The following KLRF1 variants were observed in gnomAD, a reference collection of about 807,000 sequenced individuals.
KLRF1 encodes the protein killer cell lectin like receptor F1.
A neutral mutation model predicts 30.7 loss-of-function variants in KLRF1; 27 were observed. The ratio of observed to expected loss-of-function variants is 0.88; its 90% CI spans 0.65 to 1.21. The LOEUF is 1.21. KLRF1 is among the 50% of genes most tolerant of loss of function. The probability of loss-of-function intolerance (pLI) is 0.00; values close to 1 mark genes in which losing one functional copy is unlikely to be tolerated. For missense variants in KLRF1, 246 were observed against 259.3 expected, an observed-to-expected ratio of 0.95 and a Z score of 0.35; for synonymous variants, 92 against 89.3, an observed-to-expected ratio of 1.03 and a Z score of -0.17.
At chr12:9,804,171 T>C in the KLRF1 span, among the ~76,000 whole-genome samples, 1 of 114,052 alleles carries the variant, frequency 8.8e-6, no homozygotes, top group South Asian at 2.3e-4. Flanking sequence ...CATTTGTGTT[T>C]CTTTAATAAC....
rs1275414504 is a variant in KLRF1 at position 9,842,282 on chromosome 12, A to G, written c.475-39A>G. The G allele has an allele frequency of 3.1e-6, 5 of 1,603,958 alleles. No homozygotes were observed. The African/African-American group carries it at 6.7e-5, about 22-fold the overall frequency. Reference sequence around the variant, plus strand: ...AAATATTCAGTGTGTCTGAATTGCTAAAATATTTTGTTCATTTAGTCCCTC... The same window carrying G: ...AAATATTCAGTGTGTCTGAATTGCTGAAATATTTTGTTCATTTAGTCCCTC... On this transcript the variant is annotated intron_variant, in intron 4 of 5. Coordinates refer to ENST00000617889, the MANE Select transcript of KLRF1 (RefSeq NM_016523.3).
At chr12:9,828,868 C>T (rs1300239491) in intron 1 of KLRF1, among the ~76,000 whole-genome samples, 3 of 152,114 alleles carry the variant, frequency 2.0e-5, no homozygotes, top group Non-Finnish European at 2.9e-5. Flanking sequence ...AGTGACTTCT[C>T]TGCAGACTTT....
intron 3 of KLRF1, among the ~76,000 whole-genome samples, chr12:9,840,557 G>T (rs758375979): frequency 2.0e-5 from 3 of 151,864 alleles, no homozygotes; most frequent in African/African-American, 7.3e-5. Context: ...TAATATTTCA[G>T]TTATTAAGAG....
At chr12:9,818,728 T>G in the KLRF1 span, among the ~76,000 whole-genome samples, 1 of 152,160 alleles carries the variant, frequency 6.6e-6, no homozygotes, top group Non-Finnish European at 1.5e-5. Context: ...TTGCTTTTAT[T>G]TATTTATTTT....
At chr12:9,837,282 T>G (rs1867598315) in intron 3 of KLRF1, among the ~76,000 whole-genome samples, 1 of 151,904 alleles carries the variant, frequency 6.6e-6, no homozygotes, top group Admixed American at 6.6e-5. Context: ...TTCCTTTTTA[T>G]GGGTGAATAA....
chr12:9,830,949 T>A (rs1035205553), intron 1 of KLRF1, among the ~76,000 whole-genome samples: 4 of 151,368 alleles, frequency 2.6e-5, no homozygotes, highest in Non-Finnish European at 5.9e-5. Context: ...TCTTTTAAAA[T>A]TTTTTTTTAC....
At chr12:9,800,604 C>T in the KLRF1 span, among the ~76,000 whole-genome samples, 1 of 151,790 alleles carries the variant, frequency 6.6e-6, no homozygotes, top group African/African-American at 2.4e-5. Flanking sequence ...GTGAAATTAC[C>T]TAATGACATA....
intron 1 of KLRF1, among the ~76,000 whole-genome samples, chr12:9,829,609 A>T (rs908342325): frequency 2.0e-5 from 3 of 152,090 alleles, no homozygotes; most frequent in Admixed American, 6.6e-5. Flanking sequence ...GAGATAAAAA[A>T]ATTAATCAGT....
At chr12:9,812,222 A>T in the KLRF1 span, among the ~76,000 whole-genome samples, 1 of 152,062 alleles carries the variant, frequency 6.6e-6, no homozygotes, top group African/African-American at 2.4e-5. Flanking sequence ...AAAATTAGCC[A>T]GACGTGGTGG....
the KLRF1 span, among the ~76,000 whole-genome samples, chr12:9,819,071 T>A: frequency 6.6e-6 from 1 of 152,092 alleles, no homozygotes; most frequent in South Asian, 2.1e-4. Flanking sequence ...AGCACAATTC[T>A]CCCATGGATC....
chr12:9,844,463 T>G lies in KLRF1; in HGVS notation c.633T>G (p.Ile211Met). 1 of 1,611,108 alleles carries G rather than the reference T, an allele frequency of 6.2e-7. No individual in the cohort carries two copies. The highest frequency in any genetic ancestry group is 8.5e-7 in the Non-Finnish European group (1 of 1,177,826). Residue 211 changes from isoleucine to methionine, a missense_variant, in exon 6 of 6, where the codon ATT becomes ATG. Ile to Met is a conservative substitution (Grantham distance 10). Transcript: ENST00000617889. ...GPAKENSCAA[I>M]KESKIFSETC... ...CTAAAGAAAACAGCTGTGCTGCCAT[T>G]AAGGAAAGCAAAATTTTCTCTGAAA... is the stretch of plus-strand genomic sequence containing the variant.
At chr12:9,812,423 AG>A in the KLRF1 span, among the ~76,000 whole-genome samples, 1 of 150,280 alleles carries the variant, frequency 6.7e-6, no homozygotes, top group African/African-American at 2.4e-5. Context: ...GAGTTATGGT[AG>A]GACAGTCTGA....
At chr12:9,805,057 G>T in the KLRF1 span, among the ~76,000 whole-genome samples, 18 of 151,908 alleles carry the variant, frequency 1.2e-4, no homozygotes, top group African/African-American at 4.1e-4. Flanking sequence ...AGTAATAAGA[G>T]CCTGTAGTTT....
At chr12:9,818,454 A>G in the KLRF1 span, among the ~76,000 whole-genome samples, 2 of 152,214 alleles carry the variant, frequency 1.3e-5, no homozygotes, top group Admixed American at 6.5e-5. Flanking sequence ...TTGTTGTAAA[A>G]TGTCAAATAC....
chr12:9,837,795 G>A (rs979343855), intron 3 of KLRF1, among the ~76,000 whole-genome samples: 1 of 152,084 alleles, frequency 6.6e-6, no homozygotes, highest in Non-Finnish European at 1.5e-5. Context: ...AGAGTCCATA[G>A]GTGCTCTGGA....
upstream of KLRF1, among the ~76,000 whole-genome samples, chr12:9,824,935 G>A (rs1339003800): frequency 6.6e-6 from 1 of 152,010 alleles, no homozygotes; most frequent in Non-Finnish European, 1.5e-5. Flanking sequence ...GCTCTACAAG[G>A]ATAATTACAA....
the KLRF1 span, among the ~76,000 whole-genome samples, chr12:9,808,672 G>C: frequency 6.6e-6 from 1 of 152,118 alleles, no homozygotes; most frequent in Non-Finnish European, 1.5e-5. Flanking sequence ...GAATCAAAGA[G>C]CTTTAGGCAA....
intron 1 of KLRF1, among the ~76,000 whole-genome samples, chr12:9,829,435 C>A (rs899482777): frequency 2.0e-5 from 3 of 151,850 alleles, no homozygotes; most frequent in Non-Finnish European, 2.9e-5. Context: ...TAGCATAAAA[C>A]ATTTACATAT....
At chr12:9,824,178 C>T (rs752291323), upstream of KLRF1, among the ~76,000 whole-genome samples, 12 of 152,174 alleles carry the variant, frequency 7.9e-5, no homozygotes, top group African/African-American at 2.2e-4. Context: ...AAAAAGAAAA[C>T]TCGAGGCCGG....
Sources: gnomAD v4.1 joint callset for allele counts (sites outside exome capture counted in the v4.1 genomes callset) on GRCh38, gnomAD v4.1.1 for gene constraint, MANE v1.5 for transcripts, NCBI Gene and HGNC (gene_info 2026-07-23, HGNC 2026-07-21) for gene names.